Variants in APPBP2 observed in about 807,000 individuals in gnomAD.
APPBP2 encodes amyloid beta precursor protein binding protein 2.
Under a neutral mutation model 76.0 loss-of-function variants are expected in APPBP2, and 15 were observed. The observed-to-expected ratio is 0.20, with a 90% CI of 0.13 to 0.30. The LOEUF is 0.30. APPBP2 is among the 10% of genes least tolerant of loss of function. APPBP2 has a pLI of 1.00. For missense variants in APPBP2, 401 were observed against 687.2 expected (o/e 0.58, Z 4.66); for synonymous variants, 222 against 242.2 (o/e 0.92, Z 0.77).
At chr17:60,489,536 A>C (rs2143415094) in intron 3 of APPBP2, among the ~76,000 whole-genome samples, 1 of 143,420 alleles carries the variant, frequency 7.0e-6, no homozygotes, top group African/African-American at 2.7e-5. Context: ...ACTTCAACCC[A>C]GGAGGCGGAG....
chr17:60,524,739 C>G (rs1269181984), intron 1 of APPBP2, among the ~76,000 whole-genome samples: 2 of 151,918 alleles, frequency 1.3e-5, no homozygotes, highest in African/African-American at 4.8e-5. Context: ...TCAGTTTACA[C>G]TGTTCCAGCC....
rs373683225 is a variant in APPBP2, at chr17:60,446,168, G to A, written c.*1413C>T. 1 of 152,500 alleles carries A rather than the reference G, an allele frequency of 6.6e-6. No individual in the cohort carries two copies. 9.4% of individuals were successfully genotyped at this position (152,500 alleles called of 1,614,324 possible). A position where few individuals can be genotyped will look rare whatever the true frequency, so the allele number is the denominator to read the frequency against. ...CCAAGTCATGAACCCCTGAAAATAG[G>A]GGGGGAACCCAGATTCTTAACTATA... is the stretch of plus-strand genomic sequence containing the variant. On this transcript the variant is annotated 3_prime_UTR_variant, in exon 13 of 13. Transcript: ENST00000083182.
chr17:60,451,069 A>G (rs1249729920), intron 12 of APPBP2, among the ~76,000 whole-genome samples: 1 of 152,358 alleles, frequency 6.6e-6, no homozygotes, highest in East Asian at 1.9e-4. Flanking sequence ...CCAAATGTTC[A>G]TTAATAGTGG....
At chr17:60,463,952 G>T (rs2090492772) in intron 6 of APPBP2, 69 bp downstream of exon 6, 1 of 1,108,370 alleles carries the variant, frequency 9.0e-7, no homozygotes, top group Non-Finnish European at 1.3e-6. Context: ...TAAATAACAG[G>T]TTAATTAAAA....
At chr17:60,471,342 A>T (rs1159865061) in intron 4 of APPBP2, among the ~76,000 whole-genome samples, 1 of 152,170 alleles carries the variant, frequency 6.6e-6, no homozygotes, top group Non-Finnish European at 1.5e-5. Context: ...TAAAGCTTCC[A>T]GTACAATGTT....
Position 60,447,488 on chromosome 17 carries a change from A to G in APPBP2, c.*93T>C. 6.8e-7 allele frequency: 1 copy of G among 1,461,732 alleles called. No homozygotes were observed. Among genetic ancestry groups the G allele is most frequent in the Non-Finnish European group, 9.2e-7 (1 of 1,091,642 alleles). 90.5% of individuals were successfully genotyped at this position (1,461,732 alleles called of 1,614,324 possible). On this transcript the variant is annotated 3_prime_UTR_variant, in exon 13 of 13. Transcript: ENST00000083182. ...ATGGACTGGACCAGTGTTTCAATGC[A>G]AATTCCAGCCCCCCAAAACAACATG...
At chr17:60,494,369 A>T in intron 3 of APPBP2, 97 bp downstream of exon 3, 1 of 1,357,490 alleles carries the variant, frequency 7.4e-7, no homozygotes, top group Non-Finnish European at 1.0e-6. Flanking sequence ...TAACCTTCTT[A>T]CGTAGACTTT....
Position 60,501,362 on chromosome 17 carries a change from C to T in APPBP2, c.139-875G>A, listed in dbSNP as rs945584613. On this transcript the variant is annotated intron_variant, in intron 1 of 12. Coordinates refer to ENST00000083182, the MANE Select transcript of APPBP2 (RefSeq NM_006380.5). ...TAAACAGAAAGACAAATACTATTGT[C>T]CCTCCCTGCAACCCCGCCTCAATGT... 7.9e-5 allele frequency among the ~76,000 whole-genome samples: 12 copies of T among 152,168 alleles called. No homozygotes were observed. In the South Asian group the frequency reaches 2.1e-3, roughly 26 times the overall value.
intron 1 of APPBP2, among the ~76,000 whole-genome samples, chr17:60,511,590 AAAAAAAG>A (rs2090914191): frequency 6.6e-6 from 1 of 151,854 alleles, no homozygotes; most frequent in Non-Finnish European, 1.5e-5. Context: ...TTGAAAAAAA[AAAAAAAG>A]AAAAAGAAAA....
At chr17:60,505,279 C>T (rs1221716274) in intron 1 of APPBP2, among the ~76,000 whole-genome samples, 1 of 152,210 alleles carries the variant, frequency 6.6e-6, no homozygotes, top group African/African-American at 2.4e-5. Flanking sequence ...TTGTTTAAAA[C>T]CTTTATTTAA....
At chr17:60,487,432 T>C (rs747560885) in intron 3 of APPBP2, among the ~76,000 whole-genome samples, 36 of 152,202 alleles carry the variant, frequency 2.4e-4, no homozygotes, top group Non-Finnish European at 2.4e-4. Flanking sequence ...TCTCACTTCA[T>C]TTCATTAATT....
chr17:60,460,823 G>T, intron 8 of APPBP2, 36 bp from the exon 9 acceptor site: 1 of 1,595,298 alleles, frequency 6.3e-7, no homozygotes, highest in Non-Finnish European at 8.5e-7. Context: ...CAATACTGTA[G>T]AAAATACCAC....
intron 3 of APPBP2, among the ~76,000 whole-genome samples, chr17:60,494,011 G>A (rs1198505741): frequency 6.6e-6 from 1 of 152,110 alleles, no homozygotes; most frequent in Non-Finnish European, 1.5e-5. Flanking sequence ...ATCCACATGA[G>A]GAAATACAGA....
intron 2 of APPBP2, among the ~76,000 whole-genome samples, chr17:60,497,648 A>G (rs2090787501): frequency 6.6e-6 from 1 of 152,168 alleles, no homozygotes; most frequent in African/African-American, 2.4e-5. Flanking sequence ...TGTACCCCCA[A>G]AAACTTAAAA....
intron 4 of APPBP2, among the ~76,000 whole-genome samples, chr17:60,472,626 A>G (rs1388522436): frequency 1.3e-5 from 2 of 152,162 alleles, no homozygotes; most frequent in African/African-American, 4.8e-5. Flanking sequence ...TCTGCTAGAG[A>G]ACGTGGAATC....
At chr17:60,502,837 CA>C (rs2090833034) in intron 1 of APPBP2, among the ~76,000 whole-genome samples, 1 of 145,590 alleles carries the variant, frequency 6.9e-6, no homozygotes, top group Non-Finnish European at 1.5e-5. Flanking sequence ...GGTGATGGAG[CA>C]AAACTCTGTC....
intron 3 of APPBP2, among the ~76,000 whole-genome samples, chr17:60,492,218 T>C (rs2090735734): frequency 6.6e-6 from 1 of 152,284 alleles, no homozygotes; most frequent in South Asian, 2.1e-4. Context: ...TCAGAATGTA[T>C]GGGAACGCCT....
intron 2 of APPBP2, among the ~76,000 whole-genome samples, chr17:60,495,439 A>ATTTAT (rs910525112): frequency 2.9e-4 from 40 of 136,610 alleles, no homozygotes; most frequent in African/African-American, 1.2e-3. Flanking sequence ...TTATTTATTT[A>ATTTAT]TTATTTATTT....
intron 5 of APPBP2, among the ~76,000 whole-genome samples, chr17:60,464,584 AAC>A (rs2090497696): frequency 6.6e-6 from 1 of 152,208 alleles, no homozygotes; most frequent in Admixed American, 6.5e-5. Context: ...TATGTGCATT[AAC>A]ACATTTACCT....
Sources: allele counts gnomAD v4.1 joint callset (sites outside exome capture counted in the v4.1 genomes callset), GRCh38; gene constraint gnomAD v4.1.1; transcripts MANE v1.5; gene names NCBI Gene and HGNC (gene_info 2026-07-23, HGNC 2026-07-21).